Variants in SNRPA1 observed in about 807,000 individuals in gnomAD.
SNRPA1 encodes the protein U2 small nuclear ribonucleoprotein A'.
In SNRPA1, 5 loss-of-function variants were observed where a neutral mutation model predicts 32.3. The observed-to-expected ratio is 0.15, with a 90% CI of 0.08 to 0.33. The LOEUF (loss-of-function observed/expected upper bound fraction) is 0.33, where lower values mean the gene tolerates loss of function less well. Among genes scored for constraint, SNRPA1 ranks in the 10% least tolerant of loss-of-function variants. The pLI, the probability that SNRPA1 is intolerant of heterozygous loss-of-function variation, is 1.00. For synonymous variants in SNRPA1, 111 were observed against 120.1 expected (o/e 0.92, Z 0.50); for missense variants, 198 against 311.1 (o/e 0.64, Z 2.74).
intron 1 of SNRPA1, 104 bp downstream of exon 1, chr15:101,294,993 C>T: frequency 1.4e-6 from 1 of 703,102 alleles, no homozygotes; most frequent in Non-Finnish European, 2.2e-6. Context: ...CCCAGACAAC[C>T]GGCCCGCGGG....
chr15:101,285,159 C>A, intron 7 of SNRPA1, 99 bp from the exon 8 acceptor site: 1 of 780,638 alleles, frequency 1.3e-6, no homozygotes, highest in Non-Finnish European at 2.2e-6. Flanking sequence ...TTCACAGCAA[C>A]TTCTCCATCA....
At chr15:101,293,919 G>A (rs531175101) in intron 1 of SNRPA1, among the ~76,000 whole-genome samples, 1 of 152,200 alleles carries the variant, frequency 6.6e-6, no homozygotes, top group Non-Finnish European at 1.5e-5. Context: ...TCCATAAAGA[G>A]AAATGGCAGA....
chr15:101,287,740 A>C (rs113723257), intron 3 of SNRPA1, 38 bp from the exon 4 acceptor site: 1 of 1,590,460 alleles, frequency 6.3e-7, no homozygotes. Context: ...CGCGAATACC[A>C]CACGCTATTT....
rs979668230 is a variant in SNRPA1, at chr15:101,283,950, A to G, written c.709+1017T>C. Among the ~76,000 whole-genome samples the G allele has an allele frequency of 3.9e-5, 6 of 152,266 alleles. No homozygotes were observed. In the East Asian group the frequency reaches 1.2e-3, roughly 29 times the overall value. The stretch of plus-strand genomic sequence containing the variant: ...AGCAAAACTCCGACTCAAAAAGGAA[A>G]AAAATGTCTTTTTAATTTTTAGCTC... On this transcript the variant is annotated intron_variant, in intron 8 of 8. Transcript: ENST00000254193.
In SNRPA1 at chr15:101,286,116, C is replaced by T. The variant is rs554317402; in HGVS notation, c.539+98G>A. The T allele has an allele frequency of 8.4e-6, 8 of 956,632 alleles. No individual in the cohort carries two copies. In the South Asian group the frequency reaches 1.2e-4, roughly 15 times the overall value. The allele number at this position is 956,632 out of a possible 1,614,324, so 59.3% of individuals were successfully genotyped here. ...CAAATTTAATACCACATTAATATGTCAGAGTTTTTGGTTAATTTTGTAGGA... is the reference window on the plus strand; with the variant it reads ...CAAATTTAATACCACATTAATATGTTAGAGTTTTTGGTTAATTTTGTAGGA... On this transcript the variant is annotated intron_variant, in intron 6 of 8. Transcript: ENST00000254193.
intron 2 of SNRPA1, among the ~76,000 whole-genome samples, chr15:101,292,328 T>C (rs934570346): frequency 1.3e-5 from 2 of 152,218 alleles, no homozygotes; most frequent in African/African-American, 4.8e-5. Context: ...CTTCATGATT[T>C]TTTGTGCAGG....
rs1466599822 is a variant in SNRPA1 at position 101,285,738 on chromosome 15, T to G, written c.603A>C (p.Val201=). The G allele has an allele frequency of 6.2e-7, 1 of 1,613,084 alleles. No individual in the cohort carries two copies. Among genetic ancestry groups the G allele is most frequent in the South Asian group, 1.1e-5 (1 of 91,068 alleles). The change falls in exon 7 of 9, where the codon GTA becomes GTC. Residue 201 remains valine, a synonymous_variant. Transcript: ENST00000254193. ...KKKGGPSPGD[V]EAIKNAIANA... is the part of the protein sequence containing the mutation. ...AACACATGATTACCTTGATTGCTTC[T>G]ACATCCCCTGGAGATGGCCCACCTT...
chr15:101,294,972 C>T, intron 1 of SNRPA1, 125 bp downstream of exon 1: 1 of 558,096 alleles, frequency 1.8e-6, no homozygotes, highest in South Asian at 2.6e-5. Flanking sequence ...CCCTGCGCAG[C>T]CCGGTCGGAG....
At chr15:101,286,555 C>A in intron 5 of SNRPA1, 1 of 484,360 alleles carries the variant, frequency 2.1e-6, no homozygotes, top group Non-Finnish European at 3.6e-6. Context: ...ATAATGAATT[C>A]CTAATAAAGG....
At chr15:101,287,935 A>G (rs1422620573) in intron 3 of SNRPA1, 1 of 465,764 alleles carries the variant, frequency 2.1e-6, no homozygotes, top group Non-Finnish European at 3.9e-6. Flanking sequence ...AGCAGGAGAT[A>G]AGAAATTGCT....
chr15:101,281,853 G>C (rs1031303224), intron 8 of SNRPA1, 71 bp from the exon 9 acceptor site: 8 of 1,423,358 alleles, frequency 5.6e-6, no homozygotes, highest in Non-Finnish European at 7.9e-6. Context: ...GCAAGTGTTT[G>C]TTCTGTGGCC....
intron 7 of SNRPA1, 121 bp downstream of exon 7, chr15:101,285,605 C>T: frequency 3.0e-6 from 2 of 673,618 alleles, no homozygotes; most frequent in East Asian, 2.7e-5. Flanking sequence ...AGAAATATTG[C>T]TGTATGCTAA....
At chr15:101,293,999 C>G (rs1196150044) in intron 1 of SNRPA1, among the ~76,000 whole-genome samples, 1 of 152,156 alleles carries the variant, frequency 6.6e-6, no homozygotes, top group Non-Finnish European at 1.5e-5. Flanking sequence ...TTCGGGAGAC[C>G]AAGGCGGGCG....
rs202073254 is a variant in SNRPA1, at chr15:101,291,971, G to A, written c.300C>T (p.Leu100=). 5.6e-6 allele frequency: 9 copies of A among 1,609,294 alleles called. No homozygotes were observed. The African/African-American group carries it at 6.7e-5, about 12-fold the overall frequency. Residue 100 remains leucine, a synonymous_variant, in exon 3 of 9, where the codon CTC becomes CTT. Transcript: ENST00000254193. ...CTTCTGTGCAACTTACCAGTTCCAC[G>A]AGACTATTATTGGTGAGAATGAGTT... ...LTELILTNNS[L]VELGDLDPLA...
chr15:101,281,798 A>G lies in SNRPA1; in HGVS notation c.710-16T>C. ...TCAGTGGGCCCTAAAGAAAACCACC[A>G]AAGCAAAAGTAGTATCAATTTTAGA... On this transcript the variant is annotated splice_polypyrimidine_tract_variant and intron_variant, in intron 8 of 8. Coordinates refer to ENST00000254193, the MANE Select transcript of SNRPA1 (RefSeq NM_003090.4). 1.9e-6 allele frequency: 3 copies of G among 1,612,938 alleles called. No individual in the cohort carries two copies. The highest frequency in any genetic ancestry group is 2.5e-6 in the Non-Finnish European group (3 of 1,178,844).
chr15:101,293,307 G>A lies in SNRPA1; in HGVS notation c.83-135C>T, dbSNP rs2039549025. 2.8e-5 allele frequency: 16 copies of A among 569,914 alleles called. No homozygotes were observed. The South Asian group carries it at 5.1e-4, about 18-fold the overall frequency. 35.3% of individuals were successfully genotyped at this position (569,914 alleles called of 1,614,324 possible). A position where few individuals can be genotyped will look rare whatever the true frequency, so the allele number is the denominator to read the frequency against. ...GGAAGTATTACCTAGCACCTATGTC[G>A]GGTCACGCATGACTTGCCGCTGTTT... On this transcript the variant is annotated intron_variant, in intron 1 of 8. Transcript: ENST00000254193.
At position 101,285,019 on chromosome 15, in the gene SNRPA1, C is replaced by T. The variant is rs746975039; in HGVS notation, c.657G>A (p.Arg219=). 7.4e-6 allele frequency: 12 copies of T among 1,613,892 alleles called. No individual in the cohort carries two copies. The highest frequency in any genetic ancestry group is 8.5e-7 in the Non-Finnish European group (1 of 1,179,926). ...ANASTLAEVE[R]LKGLLQSGQI... ...GACCAGACTGCAGCAACCCCTTCAG[C>T]CTCTCCACTTCAGCCAGAGTTGAAG... Residue 219 remains arginine (R), a synonymous_variant, in exon 8 of 9, where the codon AGG becomes AGA. Transcript: ENST00000254193.
At chr15:101,290,036 A>C (rs2039504257) in intron 3 of SNRPA1, 1 of 152,148 alleles carries the variant, frequency 6.6e-6, no homozygotes, top group Non-Finnish European at 1.5e-5. Flanking sequence ...TTTATCATGC[A>C]TATAACTAAC....
At chr15:101,283,322 G>A (rs925223404) in intron 8 of SNRPA1, among the ~76,000 whole-genome samples, 1 of 151,994 alleles carries the variant, frequency 6.6e-6, no homozygotes, top group African/African-American at 2.4e-5. Flanking sequence ...GCCAAGGCGG[G>A]TGGATCATGA....
Sources: allele counts gnomAD v4.1 joint callset (sites outside exome capture counted in the v4.1 genomes callset), GRCh38; gene constraint gnomAD v4.1.1; transcripts MANE v1.5; gene names NCBI Gene and HGNC (gene_info 2026-07-23, HGNC 2026-07-21).